Variants in SERPINI2 observed in about 807,000 individuals in gnomAD.
SERPINI2 encodes serpin I2.
A neutral mutation model predicts 47.3 loss-of-function variants in SERPINI2; 48 were observed. The ratio of observed to expected loss-of-function variants is 1.02; its 90% CI spans 0.81 to 1.29. The LOEUF is 1.29. Among genes scored for constraint, SERPINI2 ranks in the 50% most tolerant of loss-of-function variants. The pLI, the probability that SERPINI2 is intolerant of heterozygous loss-of-function variation, is 0.00. For synonymous variants in SERPINI2, 135 were observed against 149.3 expected (o/e 0.90, Z 0.70); for missense variants, 448 against 456.9 (o/e 0.98, Z 0.18).
intron 3 of SERPINI2, among the ~76,000 whole-genome samples, chr3:167,466,108 G>A (rs1350380371): frequency 6.6e-6 from 1 of 152,136 alleles, no homozygotes; most frequent in Admixed American, 6.5e-5. Flanking sequence ...CTGACCATTG[G>A]AAAGGGAAAA....
intron 8 of SERPINI2, among the ~76,000 whole-genome samples, chr3:167,443,023 T>C (rs916037455): frequency 2.0e-5 from 3 of 152,180 alleles, no homozygotes; most frequent in African/African-American, 7.2e-5. Context: ...AACTCTACTA[T>C]TCAGTCCAAA....
intron 5 of SERPINI2, among the ~76,000 whole-genome samples, chr3:167,462,706 T>C (rs1750018702): frequency 6.6e-6 from 1 of 152,164 alleles, no homozygotes; most frequent in Admixed American, 6.5e-5. Flanking sequence ...GTGTCTACAC[T>C]GTGGGGGTAG....
chr3:167,453,464 G>C (rs1749698191), intron 5 of SERPINI2, among the ~76,000 whole-genome samples: 1 of 152,130 alleles, frequency 6.6e-6, no homozygotes, highest in Non-Finnish European at 1.5e-5. Context: ...ACAGTCCTTG[G>C]AGAAGATTGT....
At chr3:167,444,326 T>G (rs73881217) in intron 8 of SERPINI2, among the ~76,000 whole-genome samples, 1 of 152,146 alleles carries the variant, frequency 6.6e-6, no homozygotes, top group African/African-American at 2.4e-5. Context: ...TATACTGCAA[T>G]ATAAAATTCA....
At chr3:167,458,106 T>C (rs934138827) in intron 5 of SERPINI2, among the ~76,000 whole-genome samples, 3 of 152,212 alleles carry the variant, frequency 2.0e-5, no homozygotes, top group African/African-American at 7.2e-5. Flanking sequence ...AAAACCCAAC[T>C]CAAGTCCTTC....
intron 2 of SERPINI2, among the ~76,000 whole-genome samples, chr3:167,468,389 T>G (rs908253576): frequency 1.8e-4 from 28 of 152,154 alleles, no homozygotes; most frequent in Middle Eastern, 6.8e-3. Flanking sequence ...TAGGTCATCT[T>G]TGTGCAAATA....
chr3:167,454,935 A>G lies in SERPINI2; in HGVS notation c.867-1902T>C, dbSNP rs187336699. On this transcript the variant is annotated intron_variant, in intron 5 of 8. Transcript: ENST00000264677. The stretch of plus-strand genomic sequence containing the variant: ...AGAAAATAGAAGCCTGAGGAGGTTA[A>G]TTTTCAGGCTTAAGGTTAAGGTAGG... Among the ~76,000 whole-genome samples, 8 of 152,288 alleles carry G rather than the reference A, an allele frequency of 5.3e-5. No homozygotes were observed. The East Asian group carries it at 1.4e-3, about 26-fold the overall frequency.
intron 6 of SERPINI2, among the ~76,000 whole-genome samples, chr3:167,451,751 A>C (rs976197076): frequency 1.3e-5 from 2 of 152,200 alleles, no homozygotes; most frequent in African/African-American, 4.8e-5. Flanking sequence ...TGGCTGTTTG[A>C]AGTGTCTGAG....
chr3:167,446,633 T>C, intron 7 of SERPINI2, 152 bp from the exon 8 acceptor site: 1 of 467,172 alleles, frequency 2.1e-6, no homozygotes, highest in South Asian at 3.8e-5. Context: ...CAGAGGAATT[T>C]GCAATAAATT....
intron 2 of SERPINI2, among the ~76,000 whole-genome samples, chr3:167,471,006 T>C (rs550549154): frequency 2.2e-3 from 332 of 152,280 alleles, no homozygotes; most frequent in Non-Finnish European, 3.8e-3. Flanking sequence ...CTTTTAAAAC[T>C]AGTAACAAAT....
chr3:167,467,232 G>T lies in SERPINI2; in HGVS notation c.301C>A (p.Gln101Lys), dbSNP rs778679933. The change falls in exon 3 of 9, where the codon CAA (glutamine) becomes AAA (lysine). Residue 101 changes from glutamine (Q) to lysine (K), a missense_variant. By Grantham distance (53) the Gln-to-Lys change is moderately conservative (BLOSUM62 1). Coordinates refer to ENST00000264677, the Ensembl canonical transcript of SERPINI2. ...TTGGCAAGATTAAATGTAAATTCTT[G>T]TTTTTTCTCTGAGATGGCAGAGAAA... 1.0e-4 allele frequency: 168 copies of T among 1,612,580 alleles called. No individual in the cohort carries two copies. The highest frequency in any genetic ancestry group is 1.4e-4 in the Non-Finnish European group (165 of 1,179,560).
intron 2 of SERPINI2, among the ~76,000 whole-genome samples, chr3:167,470,579 T>TTTTTTTC (rs1750282022): frequency 8.3e-6 from 1 of 119,802 alleles, no homozygotes; most frequent in African/African-American, 3.1e-5. Flanking sequence ...TTTTTTTTTT[T>TTTTTTTC]GGAGAAGGAG....
At chr3:167,474,197 A>C (rs113814796), upstream of SERPINI2, 2 of 856,660 alleles carry the variant, frequency 2.3e-6, no homozygotes, top group Non-Finnish European at 2.8e-6. Context: ...TTAATGATCA[A>C]CTGATGAAAT....
chr3:167,471,765 G>A lies in SERPINI2; in HGVS notation c.70C>T (p.Gln24Ter), dbSNP rs1389545333. The stretch of plus-strand genomic sequence containing the variant: ...TCCACTGCAAATTCGGTATTTTTTT[G>A]AGCTGAGCATCTTGAGGCTTGACTT... The change falls in exon 2 of 9, where the codon CAA becomes TAA. Residue 24 changes from glutamine to a stop codon, truncating the protein, a stop_gained. Transcript: ENST00000264677. LOFTEE classifies it high-confidence loss of function. The A allele has an allele frequency of 5.6e-6, 9 of 1,613,360 alleles. No individual in the cohort carries two copies. In the South Asian group the frequency reaches 9.9e-5, roughly 18 times the overall value.
At chr3:167,458,682 T>G (rs1277752629) in intron 5 of SERPINI2, among the ~76,000 whole-genome samples, 1 of 152,164 alleles carries the variant, frequency 6.6e-6, no homozygotes, top group Admixed American at 6.5e-5. Flanking sequence ...CACAGTAGAA[T>G]CCCAATCAAT....
At chr3:167,468,824 C>T (rs1052911000) in intron 2 of SERPINI2, among the ~76,000 whole-genome samples, 5 of 151,824 alleles carry the variant, frequency 3.3e-5, no homozygotes, top group African/African-American at 9.7e-5. Flanking sequence ...AGTAAAGACA[C>T]GAGAGCTTTT....
exon 9 of SERPINI2, chr3:167,442,119 T>C: frequency 6.2e-7 from 1 of 1,604,454 alleles, no homozygotes; most frequent in Non-Finnish European, 8.5e-7. Flanking sequence ...TCACAGTGAA[T>C]CTAAATCTCT....
chr3:167,459,471 T>G (rs543925126), intron 5 of SERPINI2, among the ~76,000 whole-genome samples: 5 of 152,224 alleles, frequency 3.3e-5, no homozygotes, highest in Admixed American at 3.3e-4. Context: ...TGCAGGATGA[T>G]GTCCAAAATT....
chr3:167,470,550 C>CTTTTTTTTTTTTTTTT lies in SERPINI2; in HGVS notation c.247+1022_247+1037dup, dbSNP rs536884425. On this transcript the variant is annotated intron_variant, in intron 2 of 8. Coordinates refer to ENST00000264677, the Ensembl canonical transcript of SERPINI2. ...AGATAGCTGAGGAGATGAGCAACAA[C>CTTTTTTTTTTTTTTTT]TTTTTTTTTTTTTTTTTTTTTTTTT... Among the ~76,000 whole-genome samples the CTTTTTTTTTTTTTTTT allele has an allele frequency of 5.2e-4, 48 of 93,032 alleles. 5 individuals carry two copies. Among genetic ancestry groups the CTTTTTTTTTTTTTTTT allele is most frequent in the African/African-American group, 2.7e-3 (48 of 17,624 alleles). 61.0% of individuals were successfully genotyped at this position (93,032 alleles called of 152,430 possible).
Sources: gnomAD v4.1 joint callset for allele counts (sites outside exome capture counted in the v4.1 genomes callset) on GRCh38, gnomAD v4.1.1 for gene constraint, MANE v1.5 for transcripts, NCBI Gene and HGNC (gene_info 2026-07-23, HGNC 2026-07-21) for gene names.